Variants in COL24A1 observed in about 807,000 individuals in gnomAD.
COL24A1 encodes collagen type XXIV alpha 1 chain.
Under a neutral mutation model 253.9 loss-of-function variants are expected in COL24A1, and 224 were observed. The ratio of observed to expected loss-of-function variants is 0.88; its 90% confidence interval spans 0.79 to 0.99. The LOEUF (loss-of-function observed/expected upper bound fraction) is 0.99, where lower values mean the gene tolerates loss of function less well. COL24A1 is among the 50% of genes least tolerant of loss of function. The probability of loss-of-function intolerance (pLI) is 0.00; values close to 1 mark genes in which losing one functional copy is unlikely to be tolerated. For missense variants in COL24A1, 2,131 were observed against 2,068.5 expected, an observed-to-expected ratio of 1.03 and a Z score of -0.59; for synonymous variants, 685 against 673.7, an observed-to-expected ratio of 1.02 and a Z score of -0.26.
At chr1:85,777,670 T>C (rs1668696049) in intron 52 of COL24A1, among the ~76,000 whole-genome samples, 1 of 152,160 alleles carries the variant, frequency 6.6e-6, no homozygotes, top group East Asian at 1.9e-4. Flanking sequence ...TTTATACCTA[T>C]GGGATAAATT....
chr1:85,945,002 GTTTTTTTT>G (rs1165341082), intron 24 of COL24A1, among the ~76,000 whole-genome samples: 18 of 35,352 alleles, frequency 5.1e-4, no homozygotes, highest in African/African-American at 1.8e-3. Flanking sequence ...CTATCATTGT[GTTTTTTTT>G]TTTTTTTTTT....
intron 4 of COL24A1, among the ~76,000 whole-genome samples, chr1:86,114,323 T>G (rs1311919912): frequency 2.0e-5 from 3 of 152,190 alleles, no homozygotes; most frequent in Non-Finnish European, 4.4e-5. Flanking sequence ...AACTGCCGTA[T>G]TATGAGAACA....
intron 18 of COL24A1, among the ~76,000 whole-genome samples, chr1:86,018,553 T>C (rs931074021): frequency 6.6e-6 from 1 of 152,152 alleles, no homozygotes; most frequent in Admixed American, 6.5e-5. Context: ...AAAATAGCAA[T>C]ACCCTAGGGC....
intron 34 of COL24A1, 27 bp from the exon 35 acceptor site, chr1:85,874,729 C>T (rs1241104470): frequency 3.7e-6 from 6 of 1,609,112 alleles, no homozygotes; most frequent in African/African-American, 1.3e-5. Flanking sequence ...AAAGATTAAA[C>T]TCTTTTCTAC....
intron 36 of COL24A1, 39 bp from the exon 37 acceptor site, chr1:85,868,665 G>A: frequency 6.4e-7 from 1 of 1,551,658 alleles, no homozygotes; most frequent in South Asian, 1.1e-5. Flanking sequence ...AAGGAATACA[G>A]TGAAATAATT....
At chr1:85,789,890 G>C (rs181272944) in intron 47 of COL24A1, among the ~76,000 whole-genome samples, 1 of 151,968 alleles carries the variant, frequency 6.6e-6, no homozygotes, top group Non-Finnish European at 1.5e-5. Flanking sequence ...CTTGCATCCC[G>C]GGGGTGAAGC....
chr1:85,893,044 A>C (rs1683290797), intron 31 of COL24A1, among the ~76,000 whole-genome samples: 1 of 152,144 alleles, frequency 6.6e-6, no homozygotes, highest in Non-Finnish European at 1.5e-5. Flanking sequence ...AATTGAACAA[A>C]TGCTCAAATT....
chr1:86,088,779 T>C (rs552635833), intron 7 of COL24A1, among the ~76,000 whole-genome samples: 14 of 152,298 alleles, frequency 9.2e-5, no homozygotes, highest in Admixed American at 7.8e-4. Flanking sequence ...TTTGGGCATA[T>C]AAAAGTCATA....
intron 12 of COL24A1, chr1:86,045,728 A>G (rs1699852180): frequency 3.0e-6 from 1 of 329,804 alleles, no homozygotes; most frequent in East Asian, 7.8e-5. Flanking sequence ...TCTACGTTCA[A>G]TGTAAATGCA....
At chr1:85,952,986 C>G (rs886603362) in intron 24 of COL24A1, among the ~76,000 whole-genome samples, 2 of 152,124 alleles carry the variant, frequency 1.3e-5, no homozygotes, top group Non-Finnish European at 2.9e-5. Context: ...GTGGTATTGT[C>G]AACAGGTGGC....
intron 20 of COL24A1, among the ~76,000 whole-genome samples, chr1:85,981,176 A>C (rs533382872): frequency 1.3e-5 from 2 of 152,320 alleles, no homozygotes; most frequent in South Asian, 4.1e-4. Flanking sequence ...GAACCAAAAA[A>C]GACCCTGAAT....
chr1:85,904,676 G>T (rs1212309728), intron 28 of COL24A1, among the ~76,000 whole-genome samples: 1 of 152,072 alleles, frequency 6.6e-6, no homozygotes, highest in African/African-American at 2.4e-5. Flanking sequence ...ATCTCTGTAA[G>T]AATGATATTT....
chr1:85,816,638 T>C, intron 47 of COL24A1, 150 bp downstream of exon 47: 1 of 618,536 alleles, frequency 1.6e-6, no homozygotes. Context: ...CTGGAAATCC[T>C]AAATACAACT....
chr1:85,954,324 C>T (rs1419659973), intron 24 of COL24A1, among the ~76,000 whole-genome samples: 1 of 152,158 alleles, frequency 6.6e-6, no homozygotes, highest in African/African-American at 2.4e-5. Context: ...GGCCCCATGA[C>T]CTCTAACTTC....
intron 7 of COL24A1, among the ~76,000 whole-genome samples, chr1:86,080,475 A>G (rs985561063): frequency 2.0e-5 from 3 of 152,186 alleles, no homozygotes; most frequent in Non-Finnish European, 4.4e-5. Context: ...GTTTGTGAGG[A>G]TGGATATCCA....
At chr1:85,745,826 T>C (rs956841769) in intron 55 of COL24A1, among the ~76,000 whole-genome samples, 3 of 152,172 alleles carry the variant, frequency 2.0e-5, no homozygotes, top group African/African-American at 7.2e-5. Context: ...GAATAAAATA[T>C]GATCCTCTCA....
intron 20 of COL24A1, among the ~76,000 whole-genome samples, chr1:85,975,860 C>T (rs952210361): frequency 2.6e-5 from 4 of 152,106 alleles, no homozygotes; most frequent in Non-Finnish European, 5.9e-5. Flanking sequence ...CCCTGAAAAC[C>T]CAGATTACAG....
chr1:85,819,031 T>C (rs938388981), intron 45 of COL24A1, among the ~76,000 whole-genome samples: 1 of 152,210 alleles, frequency 6.6e-6, no homozygotes, highest in Non-Finnish European at 1.5e-5. Flanking sequence ...AAAAAGAGCA[T>C]CTTCTCTAAG....
At chr1:85,874,862 T>G (rs952946329) in intron 34 of COL24A1, among the ~76,000 whole-genome samples, 160 bp from the exon 35 acceptor site, 3 of 152,258 alleles carry the variant, frequency 2.0e-5, no homozygotes, top group African/African-American at 7.2e-5. Flanking sequence ...GGTGAGCAGC[T>G]GGTGAGCCAG....
Sources: allele counts gnomAD v4.1 joint callset (sites outside exome capture counted in the v4.1 genomes callset), GRCh38; gene constraint gnomAD v4.1.1; transcripts MANE v1.5; gene names NCBI Gene and HGNC (gene_info 2026-07-23, HGNC 2026-07-21).